Variants in MOCOS observed in about 807,000 individuals in gnomAD.
MOCOS encodes the protein molybdenum cofactor sulfurase, also known as human molybdenum cofactor sulfurase.
Under a neutral mutation model 83.6 loss-of-function variants are expected in MOCOS, and 86 were observed. That is an observed-to-expected ratio of 1.03 (90% confidence interval 0.86 to 1.23). The LOEUF (loss-of-function observed/expected upper bound fraction) is 1.23, where lower values mean the gene tolerates loss of function less well. Ranked by LOEUF, MOCOS falls within the 50% of genes most tolerant of loss-of-function variation. The pLI is 0.00. For missense variants in MOCOS, 1,120 were observed against 1,126.9 expected (o/e 0.99, Z 0.09); for synonymous variants, 445 against 434.7 (o/e 1.02, Z -0.29).
intron 1 of MOCOS, among the ~76,000 whole-genome samples, chr18:36,188,370 C>T (rs911632749): frequency 2.0e-5 from 3 of 152,256 alleles, no homozygotes; most frequent in African/African-American, 7.2e-5. Context: ...ACCAAGATCA[C>T]ATCGTGCCTT....
At chr18:36,208,523 G>A (rs1382760710) in intron 6 of MOCOS, among the ~76,000 whole-genome samples, 2 of 152,094 alleles carry the variant, frequency 1.3e-5, no homozygotes, top group African/African-American at 4.8e-5. Context: ...TGGTAAGGTG[G>A]ATTCCTAGGT....
intron 4 of MOCOS, 97 bp downstream of exon 4, chr18:36,200,421 AG>A: frequency 2.0e-6 from 3 of 1,467,870 alleles, no homozygotes; most frequent in Non-Finnish European, 2.8e-6. Flanking sequence ...TCTGGCTTTG[AG>A]GGTCAGCAGA....
intron 9 of MOCOS, among the ~76,000 whole-genome samples, chr18:36,237,672 T>C (rs918611908): frequency 2.0e-5 from 3 of 152,108 alleles, no homozygotes; most frequent in African/African-American, 7.2e-5. Flanking sequence ...GGATTCCCTC[T>C]TTTTCTATTG....
intron 8 of MOCOS, among the ~76,000 whole-genome samples, chr18:36,219,041 G>A (rs942502835): frequency 5.3e-5 from 8 of 150,418 alleles, no homozygotes; most frequent in Admixed American, 4.6e-4. Flanking sequence ...GCTAATTTTT[G>A]TATTTTTAGT....
At chr18:36,219,198 T>A (rs7235241) in intron 8 of MOCOS, among the ~76,000 whole-genome samples, 58,043 of 150,990 alleles carry the variant, frequency 0.38, 11,503 homozygotes, top group Admixed American at 0.48. Flanking sequence ...ATTTTATTTT[T>A]TTTTTTGACA....
chr18:36,246,622 G>C (rs2091603104), intron 9 of MOCOS, among the ~76,000 whole-genome samples: 1 of 152,196 alleles, frequency 6.6e-6, no homozygotes, highest in African/African-American at 2.4e-5. Flanking sequence ...GTTTAGTGCG[G>C]TGGTTTTCTC....
chr18:36,218,745 C>G (rs1473132529), intron 8 of MOCOS, among the ~76,000 whole-genome samples: 1 of 151,890 alleles, frequency 6.6e-6, no homozygotes, highest in East Asian at 1.9e-4. Flanking sequence ...GTCTTGAACT[C>G]CTTGCCTCAA....
intron 10 of MOCOS, among the ~76,000 whole-genome samples, chr18:36,250,888 G>A (rs991596924): frequency 6.6e-6 from 1 of 152,144 alleles, no homozygotes; most frequent in African/African-American, 2.4e-5. Context: ...TCTAAGCTTT[G>A]TGGTTCTCTG....
chr18:36,255,783 T>C (rs2091639234), intron 11 of MOCOS, among the ~76,000 whole-genome samples: 1 of 152,098 alleles, frequency 6.6e-6, no homozygotes. Flanking sequence ...ATGATAGTGA[T>C]GCCGGGCCTG....
At chr18:36,241,981 A>G (rs1013652085) in intron 9 of MOCOS, among the ~76,000 whole-genome samples, 1 of 152,102 alleles carries the variant, frequency 6.6e-6, no homozygotes, top group African/African-American at 2.4e-5. Context: ...CCGCGAAGCC[A>G]TTTTTTTCCT....
chr18:36,237,588 A>G (rs545782516), intron 9 of MOCOS, among the ~76,000 whole-genome samples: 3,093 of 152,144 alleles, frequency 0.02, 91 homozygotes, highest in African/African-American at 0.07. Flanking sequence ...TTGGTCTAAA[A>G]TTCTCTTCTT....
In MOCOS at chr18:36,207,388, A is replaced by G. The variant is rs904927871; in HGVS notation, c.1218+2112A>G. ...TAGAAATCTCCAAACTGTTTTCCAC[A>G]GTGGCTAAGCTAATTTACATTCCCA... On this transcript the variant is annotated intron_variant, in intron 6 of 14. Transcript: ENST00000261326. Among the ~76,000 whole-genome samples the G allele has an allele frequency of 3.3e-5, 5 of 152,292 alleles. No homozygotes were observed. The South Asian group carries it at 1.0e-3, about 32-fold the overall frequency.
At chr18:36,233,836 T>C (rs2091547752) in intron 9 of MOCOS, among the ~76,000 whole-genome samples, 1 of 152,226 alleles carries the variant, frequency 6.6e-6, no homozygotes, top group Non-Finnish European at 1.5e-5. Flanking sequence ...ATATCTTCTT[T>C]TGAAAAATTT....
chr18:36,259,448 CAA>C (rs397858504), intron 12 of MOCOS, among the ~76,000 whole-genome samples: 67 of 92,398 alleles, frequency 7.3e-4, no homozygotes, highest in South Asian at 3.7e-3. Context: ...GACCTTGTCT[CAA>C]AAAAAAAAAA....
At chr18:36,233,920 GA>G (rs57269500) in intron 9 of MOCOS, among the ~76,000 whole-genome samples, 152,346 of 152,348 alleles carry the variant, frequency 1, 76,172 homozygotes, top group Middle Eastern at 1. Flanking sequence ...GTTCCTTGTA[GA>G]ATTCTGGATA....
At chr18:36,211,665 C>T (rs2091455975) in intron 6 of MOCOS, among the ~76,000 whole-genome samples, 1 of 152,044 alleles carries the variant, frequency 6.6e-6, no homozygotes, top group South Asian at 2.1e-4. Flanking sequence ...TGGGATTCCC[C>T]AGGGCTGAGG....
chr18:36,192,608 T>C (rs1170443963), intron 1 of MOCOS, among the ~76,000 whole-genome samples: 1 of 152,152 alleles, frequency 6.6e-6, no homozygotes, highest in Non-Finnish European at 1.5e-5. Flanking sequence ...ATTCTAAAAT[T>C]TATATAGAAA....
chr18:36,262,706 C>T (rs2091668267), intron 13 of MOCOS, among the ~76,000 whole-genome samples: 2 of 152,252 alleles, frequency 1.3e-5, no homozygotes, highest in South Asian at 4.1e-4. Context: ...ACCATGTTGG[C>T]CAGACTGGTT....
chr18:36,223,504 T>C (rs1598881412), intron 9 of MOCOS, among the ~76,000 whole-genome samples: 1 of 152,222 alleles, frequency 6.6e-6, no homozygotes, highest in Non-Finnish European at 1.5e-5. Flanking sequence ...TATAGTGATA[T>C]ATTTTAAAAT....
Sources: gnomAD v4.1 joint callset for allele counts (sites outside exome capture counted in the v4.1 genomes callset) on GRCh38, gnomAD v4.1.1 for gene constraint, MANE v1.5 for transcripts, NCBI Gene and HGNC (gene_info 2026-07-23, HGNC 2026-07-21) for gene names.